DTX1: variants seen among roughly 807,000 people sequenced by gnomAD.
DTX1 encodes the protein E3 ubiquitin-protein ligase DTX1.
Under a neutral mutation model 57.8 loss-of-function variants are expected in DTX1, and 26 were observed. That is an observed-to-expected ratio of 0.45 (90% CI 0.33 to 0.62). The LOEUF (loss-of-function observed/expected upper bound fraction) is 0.62, where lower values mean the gene tolerates loss of function less well. Among genes scored for constraint, DTX1 ranks in the 20% least tolerant of loss-of-function variants. DTX1 has a pLI of 0.02. For missense variants in DTX1, 704 were observed against 895.3 expected, an observed-to-expected ratio of 0.79 and a Z score of 2.73; for synonymous variants, 398 against 394.1, an observed-to-expected ratio of 1.01 and a Z score of -0.12.
chr12:113,058,127 C>A lies in DTX1; in HGVS notation c.-66C>A. On this transcript the variant is annotated 5_prime_UTR_variant, in exon 2 of 10. The change creates a new upstream start codon in the 5' untranslated region. Transcript: ENST00000548759. ...TGGGGAGAGAGGAAGTTGCCGCCTG[C>A]TGCCAGGCCCAGGAGGAGCTGGGCC... 1.3e-6 allele frequency: 2 copies of A among 1,487,456 alleles called. No homozygotes were observed. The highest frequency in any genetic ancestry group is 1.8e-6 in the Non-Finnish European group (2 of 1,119,876). 92.1% of individuals were successfully genotyped at this position (1,487,456 alleles called of 1,614,324 possible).
chr12:113,088,748 T>G (rs1363042715), intron 3 of DTX1, among the ~76,000 whole-genome samples: 1 of 152,186 alleles, frequency 6.6e-6, no homozygotes, highest in African/African-American at 2.4e-5. Context: ...CCCAGCACTT[T>G]GGGAGGTCGA....
intron 1 of DTX1, 42 bp downstream of exon 1, chr12:113,056,986 C>G: frequency 6.6e-6 from 1 of 152,344 alleles, no homozygotes; most frequent in Admixed American, 6.5e-5. Flanking sequence ...CCGGCTCCCG[C>G]TGGGGGCCCG....
intron 2 of DTX1, among the ~76,000 whole-genome samples, chr12:113,066,185 T>C (rs888391249): frequency 2.6e-5 from 4 of 152,268 alleles, no homozygotes; most frequent in African/African-American, 9.6e-5. Flanking sequence ...GGGAATGCTG[T>C]TGGTGAGGGC....
At chr12:113,081,474 G>A (rs2044816840) in intron 3 of DTX1, among the ~76,000 whole-genome samples, 1 of 152,224 alleles carries the variant, frequency 6.6e-6, no homozygotes, top group Non-Finnish European at 1.5e-5. Flanking sequence ...AACAAGGCCT[G>A]TGTCCTCCCG....
At position 113,077,381 on chromosome 12, in the gene DTX1, C is replaced by A; in HGVS notation, c.260-43C>A. On this transcript the variant is annotated intron_variant, in intron 2 of 9. Coordinates refer to ENST00000548759, the MANE Select transcript of DTX1 (RefSeq NM_004416.3). The surrounding 1 kb of genome is among the most constrained non-coding windows in gnomAD (Gnocchi z 7.8). The stretch of plus-strand genomic sequence containing the variant: ...GGCCCGCCCTTCCAGCCGCGCAGAC[C>A]AACGCCCGCTGTGCTGACGCCTCCT... 1 of 1,551,588 alleles carries A rather than the reference C, an allele frequency of 6.4e-7. No homozygotes were observed. Among genetic ancestry groups the A allele is most frequent in the Non-Finnish European group, 8.6e-7 (1 of 1,156,352 alleles).
rs11066482 is a variant in DTX1, at chr12:113,062,999, C to T, written c.259+4548C>T. Among the ~76,000 whole-genome samples the T allele has an allele frequency of 6.0e-3, 914 of 152,324 alleles. 8 individuals carry two copies. The highest frequency in any genetic ancestry group is 0.021 in the African/African-American group (868 of 41,572). The stretch of plus-strand genomic sequence containing the variant: ...GAGCTGGATGATGTTAGATCAATCA[C>T]GGTGGTGTCCCAGGCAGAGGGTTGG... On this transcript the variant is annotated intron_variant, in intron 2 of 9. Transcript: ENST00000548759.
At chr12:113,088,438 G>T (rs997193303) in intron 3 of DTX1, among the ~76,000 whole-genome samples, 2 of 152,196 alleles carry the variant, frequency 1.3e-5, no homozygotes, top group Non-Finnish European at 2.9e-5. Context: ...CAGAAGAGGC[G>T]GCGTGGACCA....
intron 3 of DTX1, among the ~76,000 whole-genome samples, chr12:113,085,955 A>T (rs2044853631): frequency 6.6e-6 from 1 of 152,186 alleles, no homozygotes; most frequent in African/African-American, 2.4e-5. Context: ...TTCTTGAGCA[A>T]AGGTGGAAGG....
chr12:113,059,620 C>T (rs2044652837), intron 2 of DTX1, among the ~76,000 whole-genome samples: 1 of 152,064 alleles, frequency 6.6e-6, no homozygotes, highest in African/African-American at 2.4e-5. Context: ...CTGGTGGGGT[C>T]CTGCCGTGCA....
Position 113,078,125 on chromosome 12 carries a change from G to A in DTX1, c.941+20G>A. The A allele has an allele frequency of 7.4e-7, 1 of 1,345,116 alleles. No individual in the cohort carries two copies. Among genetic ancestry groups the A allele is most frequent in the Non-Finnish European group, 9.5e-7 (1 of 1,050,730 alleles). The allele number at this position is 1,345,116 out of a possible 1,614,324, so 83.3% of individuals were successfully genotyped here. On this transcript the variant is annotated intron_variant, in intron 3 of 9. Transcript: ENST00000548759. Reference sequence around the variant, plus strand: ...GCCGGGGTAAGACGGGGCCCAGGGGGAGGGGGCCTCTGCGTCGTCCGCAGG... The same window carrying A: ...GCCGGGGTAAGACGGGGCCCAGGGGAAGGGGGCCTCTGCGTCGTCCGCAGG...
chr12:113,095,139 C>G lies in DTX1; in HGVS notation c.1484C>G (p.Ser495Trp). 6.2e-7 allele frequency: 1 copy of G among 1,613,644 alleles called. No homozygotes were observed. The highest frequency in any genetic ancestry group is 1.1e-5 in the South Asian group (1 of 91,070). The change falls in exon 8 of 10, where the codon TCG (serine) becomes TGG (tryptophan). Residue 495 changes from serine (S) to tryptophan (W), a missense_variant. Ser to Trp is a radical substitution (Grantham distance 177, BLOSUM62 -3). Around this residue, in one of 3 missense-constraint regions of DTX1, gnomAD observed 168 missense variants for 255.6 expected, o/e 0.66. Transcript: ENST00000548759. ...GKMEFHLIPH[S>W]LPGFPDTQTI... ...ATGGAGTTCCACCTCATCCCCCACT[C>G]GCTGCCCGGCTTCCCTGATACCCAG...
intron 2 of DTX1, among the ~76,000 whole-genome samples, chr12:113,072,072 G>C (rs1202996398): frequency 2.6e-5 from 4 of 152,098 alleles, no homozygotes; most frequent in Admixed American, 2.0e-4. Context: ...TCCTCCCCAG[G>C]GACCCCTCGA....
chr12:113,077,233 C>T lies in DTX1; in HGVS notation c.260-191C>T, dbSNP rs1420348393. 2.0e-5 allele frequency among the ~76,000 whole-genome samples: 3 copies of T among 152,156 alleles called. No individual in the cohort carries two copies. The highest frequency in any genetic ancestry group is 6.5e-5 in the Admixed American group (1 of 15,274). ...CCTGACCCTCCAGCCTGTGCTGAACCTCATGCCTGGGCCTTGACCTCCTTC... is the reference window on the plus strand; with the variant it reads ...CCTGACCCTCCAGCCTGTGCTGAACTTCATGCCTGGGCCTTGACCTCCTTC... On this transcript the variant is annotated intron_variant, in intron 2 of 9. Transcript: ENST00000548759. The surrounding 1 kb of genome is among the most constrained non-coding windows in gnomAD (Gnocchi z 7.8).
At chr12:113,092,185 A>C (rs145365879) in intron 3 of DTX1, among the ~76,000 whole-genome samples, 138 of 152,330 alleles carry the variant, frequency 9.1e-4, no homozygotes, top group African/African-American at 3.2e-3. Flanking sequence ...GTGCCTGGGA[A>C]GCAAAGAGGT....
At position 113,093,365 on chromosome 12, in the gene DTX1, G is replaced by C; in HGVS notation, c.1003+142G>C. ...CCCCTTCCACTGGGCCCAGGACACA[G>C]GGCGGGCGTGGCCCGCAGAAAGGCC... On this transcript the variant is annotated intron_variant, in intron 4 of 9. Coordinates refer to ENST00000548759, the MANE Select transcript of DTX1 (RefSeq NM_004416.3). The surrounding 1 kb of genome is among the most constrained non-coding windows in gnomAD (Gnocchi z 4.2). 3 of 1,327,312 alleles carry C rather than the reference G, an allele frequency of 2.3e-6. No individual in the cohort carries two copies. Among genetic ancestry groups the C allele is most frequent in the Non-Finnish European group, 1.0e-6 (1 of 991,330 alleles). The allele number at this position is 1,327,312 out of a possible 1,614,324, so 82.2% of individuals were successfully genotyped here.
At chr12:113,080,922 C>T (rs560841605) in intron 3 of DTX1, among the ~76,000 whole-genome samples, 1 of 151,122 alleles carries the variant, frequency 6.6e-6, no homozygotes, top group South Asian at 2.1e-4. Flanking sequence ...CTGCAGTGAC[C>T]TGTGATCACA....
intron 3 of DTX1, among the ~76,000 whole-genome samples, chr12:113,081,931 G>T (rs1383561674): frequency 1.3e-5 from 2 of 152,130 alleles, no homozygotes; most frequent in African/African-American, 2.4e-5. Context: ...AGGGAAGCCT[G>T]GGCTTGGTGC....
rs1295601015 is a variant in DTX1 at position 113,056,840 on chromosome 12, C to G, written c.-849C>G. 6.6e-6 allele frequency: 1 copy of G among 152,184 alleles called. No individual in the cohort carries two copies. The highest frequency in any genetic ancestry group is 1.5e-5 in the Non-Finnish European group (1 of 68,062). 9.4% of individuals were successfully genotyped at this position (152,184 alleles called of 1,614,324 possible). On this transcript the variant is annotated 5_prime_UTR_variant, in exon 1 of 10. Transcript: ENST00000548759. ...GGCGGCCGAGGGGCCTGGGAGGGAA[C>G]GGGCGCGGAGGCGGGACCGCGGCTC...
At chr12:113,092,932 A>G (rs189500485) in intron 3 of DTX1, among the ~76,000 whole-genome samples, 1 of 152,170 alleles carries the variant, frequency 6.6e-6, no homozygotes, top group African/African-American at 2.4e-5. Flanking sequence ...TCTGCACTAA[A>G]GTCTAAGGGT....
Sources: allele counts gnomAD v4.1 joint callset (sites outside exome capture counted in the v4.1 genomes callset), GRCh38; gene constraint gnomAD v4.1.1; regional missense constraint gnomAD v4.1.1; non-coding constraint Gnocchi (gnomAD v3.1); transcripts MANE v1.5; gene names NCBI Gene and HGNC (gene_info 2026-07-23, HGNC 2026-07-21).